Variants in MYO16 observed in about 807,000 individuals in gnomAD.
The protein encoded by MYO16 is unconventional myosin-XVI.
Under a neutral mutation model 205.3 loss-of-function variants are expected in MYO16, and 94 were observed. The observed-to-expected ratio is 0.46, with a 90% CI of 0.39 to 0.54. The LOEUF (loss-of-function observed/expected upper bound fraction) is 0.54, where lower values mean the gene tolerates loss of function less well. Among genes scored for constraint, MYO16 ranks in the 20% least tolerant of loss-of-function variants. The probability of loss-of-function intolerance (pLI) is 0.00; values close to 1 mark genes in which losing one functional copy is unlikely to be tolerated. For synonymous variants in MYO16, 988 were observed against 954.0 expected (o/e 1.04, Z -0.66); for missense variants, 2,315 against 2,387.5 (o/e 0.97, Z 0.63).
At chr13:108,587,471 C>T in the MYO16 span, among the ~76,000 whole-genome samples, 1 of 152,030 alleles carries the variant, frequency 6.6e-6, no homozygotes, top group Non-Finnish European at 1.5e-5. Flanking sequence ...GATATTTCAC[C>T]ACTTTAAACT....
At position 109,140,483 on chromosome 13, in the gene MYO16, C is replaced by G. The variant is rs765686880; in HGVS notation, c.4271C>G (p.Pro1424Arg). The G allele has an allele frequency of 4.6e-5, 71 of 1,540,442 alleles. No homozygotes were observed. Among genetic ancestry groups the G allele is most frequent in the South Asian group, 2.7e-4 (23 of 84,588 alleles). ...TGCGCGCTGCCCCCGGCGGCGCCTC[C>G]GGGTGACGAGGACGACAGCGAGCCT... ...PQCALPPAAP[P>R]GDEDDSEPVY... Residue 1424 changes from proline to arginine, a missense_variant, in exon 32 of 35, where the codon CCG (proline) becomes CGG (arginine). Transcript: ENST00000457511. The surrounding 1 kb of genome is among the most constrained non-coding windows in gnomAD (Gnocchi z 8.0).
intron 27 of MYO16, among the ~76,000 whole-genome samples, chr13:109,075,533 G>A (rs1022602727): frequency 2.0e-5 from 3 of 151,988 alleles, no homozygotes; most frequent in African/African-American, 7.3e-5. Context: ...GGTACTACAG[G>A]TGTGGCTAAT....
intron 27 of MYO16, among the ~76,000 whole-genome samples, chr13:109,062,503 T>C (rs1356130881): frequency 6.6e-6 from 1 of 152,174 alleles, no homozygotes; most frequent in Non-Finnish European, 1.5e-5. Context: ...TTATTTGAAG[T>C]AAGATGTGAT....
At chr13:108,986,520 G>A (rs962763982) in intron 20 of MYO16, among the ~76,000 whole-genome samples, 3 of 151,486 alleles carry the variant, frequency 2.0e-5, no homozygotes, top group Admixed American at 1.3e-4. Context: ...TACTCAGGAG[G>A]CTGAGGCAGG....
At chr13:108,778,154 A>G (rs1029127711) in intron 4 of MYO16, among the ~76,000 whole-genome samples, 9 of 152,156 alleles carry the variant, frequency 5.9e-5, no homozygotes, top group South Asian at 4.1e-4. Context: ...TAGCAGAAAC[A>G]GGGGGTAGTT....
chr13:108,591,034 A>G, the MYO16 span, among the ~76,000 whole-genome samples: 4 of 152,208 alleles, frequency 2.6e-5, no homozygotes, highest in African/African-American at 9.6e-5. Flanking sequence ...CACAGACTTA[A>G]CTGAGTTTCT....
At chr13:108,603,485 A>T (rs1252876180) in intron 1 of MYO16, among the ~76,000 whole-genome samples, 2 of 152,288 alleles carry the variant, frequency 1.3e-5, no homozygotes, top group African/African-American at 4.8e-5. Flanking sequence ...TGAATCTTTG[A>T]AATAATATTT....
chr13:108,971,847 G>C (rs903007833), intron 20 of MYO16, among the ~76,000 whole-genome samples: 1 of 151,940 alleles, frequency 6.6e-6, no homozygotes, highest in South Asian at 2.1e-4. Flanking sequence ...GTTAAATGAG[G>C]TGGTGCATAT....
intron 33 of MYO16, among the ~76,000 whole-genome samples, chr13:109,178,452 G>A (rs1291601293): frequency 6.6e-6 from 1 of 152,196 alleles, no homozygotes; most frequent in Non-Finnish European, 1.5e-5. Flanking sequence ...GGAAAAGCGT[G>A]CACTGATTGT....
chr13:109,017,299 C>G (rs1445482574), intron 22 of MYO16, among the ~76,000 whole-genome samples: 3 of 152,212 alleles, frequency 2.0e-5, no homozygotes, highest in Non-Finnish European at 4.4e-5. Flanking sequence ...GACCCCCACT[C>G]TCTTCTGGCT....
chr13:109,109,223 T>A (rs996865355), intron 28 of MYO16, among the ~76,000 whole-genome samples: 2 of 152,174 alleles, frequency 1.3e-5, no homozygotes, highest in African/African-American at 4.8e-5. Context: ...AGTCATTCGA[T>A]AAGCATTTAC....
intron 34 of MYO16, among the ~76,000 whole-genome samples, chr13:109,192,768 C>A (rs1594175425): frequency 6.6e-6 from 1 of 152,300 alleles, no homozygotes; most frequent in East Asian, 1.9e-4. Flanking sequence ...AAAGGTCATC[C>A]ACTCATCAGA....
At chr13:108,653,813 A>G (rs1881120772) in intron 1 of MYO16, among the ~76,000 whole-genome samples, 1 of 151,286 alleles carries the variant, frequency 6.6e-6, no homozygotes, top group Non-Finnish European at 1.5e-5. Context: ...ATATATATAT[A>G]TATTCTTATA....
the MYO16 span, among the ~76,000 whole-genome samples, chr13:108,571,753 G>C: frequency 6.7e-6 from 1 of 150,328 alleles, no homozygotes. Context: ...CCAAGTAATG[G>C]GTCAAGGGCT....
intron 4 of MYO16, among the ~76,000 whole-genome samples, chr13:108,770,283 G>A (rs571906208): frequency 6.6e-6 from 1 of 152,182 alleles, no homozygotes; most frequent in African/African-American, 2.4e-5. Flanking sequence ...TACCTTTGGA[G>A]AGATTAGAAA....
intron 7 of MYO16, among the ~76,000 whole-genome samples, chr13:108,812,404 T>C (rs1265953013): frequency 1.3e-5 from 2 of 152,200 alleles, no homozygotes; most frequent in Non-Finnish European, 2.9e-5. Flanking sequence ...TTACTATTTA[T>C]TTAATGAGAG....
chr13:108,755,391 G>T (rs1885389299), intron 4 of MYO16, among the ~76,000 whole-genome samples: 1 of 151,970 alleles, frequency 6.6e-6, no homozygotes, highest in Non-Finnish European at 1.5e-5. Flanking sequence ...ACTACTAAAA[G>T]GTTTCATTTT....
the MYO16 span, among the ~76,000 whole-genome samples, chr13:108,581,843 C>T: frequency 6.8e-5 from 10 of 146,216 alleles, no homozygotes; most frequent in Admixed American, 6.9e-4. Context: ...CATGCCGTTG[C>T]ACTCCAGCCT....
intron 6 of MYO16, among the ~76,000 whole-genome samples, chr13:108,806,460 G>T (rs1326748408): frequency 6.6e-6 from 1 of 152,172 alleles, no homozygotes; most frequent in Non-Finnish European, 1.5e-5. Flanking sequence ...CACTATCAAA[G>T]TTGGAAGGAA....
Sources: allele counts gnomAD v4.1 joint callset (sites outside exome capture counted in the v4.1 genomes callset), GRCh38; gene constraint gnomAD v4.1.1; non-coding constraint Gnocchi (gnomAD v3.1); transcripts MANE v1.5; gene names NCBI Gene and HGNC (gene_info 2026-07-23, HGNC 2026-07-21).